Variants in CAMSAP1 observed in about 807,000 individuals in gnomAD.
CAMSAP1 encodes calmodulin regulated spectrin associated protein 1, also known as calmodulin-regulated spectrin-associated protein 1.
In CAMSAP1, 58 loss-of-function variants were observed where a neutral mutation model predicts 143.5. The ratio of observed to expected loss-of-function variants is 0.40; its 90% CI spans 0.33 to 0.50. CAMSAP1 has a LOEUF of 0.50. Ranked by LOEUF, CAMSAP1 falls within the 20% of genes least tolerant of loss-of-function variation. CAMSAP1 has a pLI of 0.45. For missense variants in CAMSAP1, 1,969 were observed against 2,115.7 expected (o/e 0.93, Z 1.36); for synonymous variants, 945 against 859.3 (o/e 1.10, Z -1.74).
At chr9:135,862,790 G>A (rs542453834) in intron 4 of CAMSAP1, among the ~76,000 whole-genome samples, 182 bp from the exon 5 acceptor site, 1 of 152,244 alleles carries the variant, frequency 6.6e-6, no homozygotes, top group Non-Finnish European at 1.5e-5. Context: ...GAACATATAT[G>A]TCAAGATCCA....
intron 5 of CAMSAP1, among the ~76,000 whole-genome samples, chr9:135,855,939 C>G (rs918126925): frequency 6.6e-6 from 1 of 151,980 alleles, no homozygotes; most frequent in African/African-American, 2.4e-5. Flanking sequence ...GTGGTCCCAG[C>G]TACTCGGTAG....
chr9:135,874,861 C>T (rs1023022291), intron 3 of CAMSAP1, among the ~76,000 whole-genome samples: 5 of 152,016 alleles, frequency 3.3e-5, no homozygotes, highest in Non-Finnish European at 7.4e-5. Flanking sequence ...TACGTTTCTA[C>T]GGACTAGTAA....
intron 16 of CAMSAP1, among the ~76,000 whole-genome samples, chr9:135,812,967 A>G (rs183787910): frequency 2.4e-4 from 36 of 152,306 alleles, no homozygotes; most frequent in African/African-American, 8.4e-4. Flanking sequence ...AAAAAAAAAA[A>G]AAGAAGAATC....
rs553390762 is a variant in CAMSAP1, at chr9:135,874,312, A to T, written c.585+7321T>A. 6.0e-4 allele frequency among the ~76,000 whole-genome samples: 91 copies of T among 151,806 alleles called. No homozygotes were observed. The South Asian group carries it at 6.9e-3, about 11-fold the overall frequency. On this transcript the variant is annotated intron_variant, in intron 3 of 16. Transcript: ENST00000389532. ...ACGTGGCAAAATCCCCTCTACAAAA[A>T]TTTTTTTTTAATTAGCCAGGCGTGG...
chr9:135,864,678 T>C (rs1352001557), intron 4 of CAMSAP1, among the ~76,000 whole-genome samples: 2 of 152,228 alleles, frequency 1.3e-5, no homozygotes, highest in Non-Finnish European at 2.9e-5. Flanking sequence ...GAAAACCAAA[T>C]GCTGTTTTCA....
Position 135,897,364 on chromosome 9 carries a change from G to T in CAMSAP1, c.160+9636C>A, listed in dbSNP as rs907837353. On this transcript the variant is annotated intron_variant, in intron 1 of 16. Transcript: ENST00000389532. ...ATCCTAGGTCTTGCTATGTTGCCCA[G>T]GCTGGTCTCAAACTCCTAGACTCAA... 2.6e-5 allele frequency among the ~76,000 whole-genome samples: 4 copies of T among 151,944 alleles called. 1 individual carries two copies. Among genetic ancestry groups the T allele is most frequent in the African/African-American group, 9.7e-5 (4 of 41,326 alleles).
intron 1 of CAMSAP1, among the ~76,000 whole-genome samples, chr9:135,884,743 G>A (rs1312339753): frequency 6.6e-6 from 1 of 152,204 alleles, no homozygotes; most frequent in Non-Finnish European, 1.5e-5. Context: ...ACAACGGGAA[G>A]ACTTCTGCTG....
Position 135,882,688 on chromosome 9 carries a change from T to C in CAMSAP1, c.423+128A>G. 1 of 1,104,740 alleles carries C rather than the reference T, an allele frequency of 9.1e-7. No individual in the cohort carries two copies. Among genetic ancestry groups the C allele is most frequent in the Non-Finnish European group, 1.3e-6 (1 of 793,138 alleles). 68.4% of individuals were successfully genotyped at this position (1,104,740 alleles called of 1,614,324 possible). ...TGCAGTTTCCTAAGGAACGCCAGTGTGCAAAAGCACGGGTCTCCACCACCT... is the reference window on the plus strand; with the variant it reads ...TGCAGTTTCCTAAGGAACGCCAGTGCGCAAAAGCACGGGTCTCCACCACCT... On this transcript the variant is annotated intron_variant, in intron 2 of 16. Transcript: ENST00000389532. The surrounding 1 kb of genome is among the most constrained non-coding windows in gnomAD (Gnocchi z 4.9).
At position 135,826,860 on chromosome 9, in the gene CAMSAP1, C is replaced by A. The variant is rs978615415; in HGVS notation, c.1223+547G>T. Among the ~76,000 whole-genome samples, 1 of 152,156 alleles carries A rather than the reference C, an allele frequency of 6.6e-6. No homozygotes were observed. The highest frequency in any genetic ancestry group is 1.5e-5 in the Non-Finnish European group (1 of 68,018). On this transcript the variant is annotated intron_variant, in intron 8 of 16. Transcript: ENST00000389532. This position sits in a 1 kb window ranked among gnomAD's most constrained non-coding sequence, Gnocchi z 4.4. ...TCAATTCTACCCCAGATATGGTTATCCAAATTAGGTCTTCATGATGAAAAT... is the reference window on the plus strand; with the variant it reads ...TCAATTCTACCCCAGATATGGTTATACAAATTAGGTCTTCATGATGAAAAT...
Position 135,884,301 on chromosome 9 carries a change from C to T in CAMSAP1, c.161-1223G>A, listed in dbSNP as rs544247861. 3.3e-5 allele frequency among the ~76,000 whole-genome samples: 5 copies of T among 152,250 alleles called. No individual in the cohort carries two copies. The East Asian group carries it at 9.7e-4, about 29-fold the overall frequency. ...TGTCTTGTGTTCCGAGCCAAGCTCTCCTAAGCTCTTCCCCAGGGGAAGAAC... is the reference window on the plus strand; with the variant it reads ...TGTCTTGTGTTCCGAGCCAAGCTCTTCTAAGCTCTTCCCCAGGGGAAGAAC... On this transcript the variant is annotated intron_variant, in intron 1 of 16. Transcript: ENST00000389532.
chr9:135,907,516 G>A lies in CAMSAP1; in HGVS notation c.-357C>T, dbSNP rs1176603088. 6.7e-6 allele frequency among the ~76,000 whole-genome samples: 1 copy of A among 148,750 alleles called. No homozygotes were observed. Among genetic ancestry groups the A allele is most frequent in the Admixed American group, 6.7e-5 (1 of 14,960 alleles). On this transcript the variant is annotated 5_prime_UTR_variant, in exon 1 of 17. Coordinates refer to ENST00000389532, the MANE Select transcript of CAMSAP1 (RefSeq NM_015447.4). ...AGCGGCGGCGGCGGCGACAGCGGCTGAGGCGGTGGCCAAGGAGCGGGAGCG... is the reference window on the plus strand; with the variant it reads ...AGCGGCGGCGGCGGCGACAGCGGCTAAGGCGGTGGCCAAGGAGCGGGAGCG...
At chr9:135,877,837 C>A (rs1837805298) in intron 3 of CAMSAP1, among the ~76,000 whole-genome samples, 1 of 151,934 alleles carries the variant, frequency 6.6e-6, no homozygotes, top group East Asian at 1.9e-4. Context: ...GAGAAAGAGA[C>A]AACAACAACA....
At position 135,882,434 on chromosome 9, in the gene CAMSAP1, G is replaced by C. The variant is rs1317983635; in HGVS notation, c.423+382C>G. Among the ~76,000 whole-genome samples, 1 of 152,032 alleles carries C rather than the reference G, an allele frequency of 6.6e-6. No homozygotes were observed. The highest frequency in any genetic ancestry group is 1.5e-5 in the Non-Finnish European group (1 of 68,018). On this transcript the variant is annotated intron_variant, in intron 2 of 16. Transcript: ENST00000389532. The surrounding 1 kb of genome is among the most constrained non-coding windows in gnomAD (Gnocchi z 4.9). ...AGAAAGATGGGGGTGGGATACTTGGGGGAGAAAAAGGCAGACTGAGTTATT... is the reference window on the plus strand; with the variant it reads ...AGAAAGATGGGGGTGGGATACTTGGCGGAGAAAAAGGCAGACTGAGTTATT...
intron 7 of CAMSAP1, among the ~76,000 whole-genome samples, chr9:135,845,596 A>G: frequency 6.6e-6 from 1 of 152,254 alleles, no homozygotes; most frequent in East Asian, 1.9e-4. Context: ...TGCAGATGAC[A>G]TGATTGTATA....
In CAMSAP1 at chr9:135,820,395, C is replaced by CA. The variant is rs1835401190; in HGVS notation, c.3822+443dup. 6.6e-6 allele frequency among the ~76,000 whole-genome samples: 1 copy of CA among 152,082 alleles called. No homozygotes were observed. Among genetic ancestry groups the CA allele is most frequent in the Admixed American group, 6.5e-5 (1 of 15,274 alleles). On this transcript the variant is annotated intron_variant, in intron 11 of 16. Coordinates refer to ENST00000389532, the MANE Select transcript of CAMSAP1 (RefSeq NM_015447.4). This position sits in a 1 kb window ranked among gnomAD's most constrained non-coding sequence, Gnocchi z 4.4. ...AGGAAAAAATTACAAGAAAAACATACAAAAAATGTTTTTTGAAGTTGCTAT... is the reference window on the plus strand; with the variant it reads ...AGGAAAAAATTACAAGAAAAACATACAAAAAAATGTTTTTTGAAGTTGCTAT...
intron 7 of CAMSAP1, among the ~76,000 whole-genome samples, chr9:135,848,240 T>G (rs1836646656): frequency 6.6e-6 from 1 of 151,922 alleles, no homozygotes; most frequent in African/African-American, 2.4e-5. Context: ...AAAAATTAGT[T>G]CAAGGTCACC....
chr9:135,827,691 A>C, intron 7 of CAMSAP1, 107 bp from the exon 8 acceptor site: 1 of 1,082,108 alleles, frequency 9.2e-7, no homozygotes, highest in South Asian at 2.5e-5. Context: ...ATTGAAACCA[A>C]ACTTCTGCCA....
chr9:135,862,560 G>A lies in CAMSAP1; in HGVS notation c.715C>T (p.Pro239Ser), dbSNP rs1681246092. ...TCTCTCATCAAATCCTCCAACAACG[G>A]GAAGTAGGGTGACTGCCTAGCAGAA... is the stretch of plus-strand genomic sequence containing the variant. ...HLSARQSPYF[P>S]LLEDLMRDGS... The change falls in exon 5 of 17, where the codon CCG becomes TCG. Residue 239 changes from proline to serine, a missense_variant. Physicochemically the swap from Pro to Ser is moderately conservative, Grantham distance 74 (BLOSUM62 -1). This residue lies in a region of CAMSAP1 where 221 missense variants were observed against 298.2 expected (regional missense o/e 0.74). Coordinates refer to ENST00000389532, the MANE Select transcript of CAMSAP1 (RefSeq NM_015447.4). 1 of 1,551,500 alleles carries A rather than the reference G, an allele frequency of 6.4e-7. No individual in the cohort carries two copies. Among genetic ancestry groups the A allele is most frequent in the African/African-American group, 1.4e-5 (1 of 72,990 alleles).
At chr9:135,897,550 G>C (rs1838492731) in intron 1 of CAMSAP1, among the ~76,000 whole-genome samples, 1 of 152,290 alleles carries the variant, frequency 6.6e-6, no homozygotes, top group Non-Finnish European at 1.5e-5. Flanking sequence ...AATGACATTA[G>C]GCATAGTAGT....
Sources: allele counts gnomAD v4.1 joint callset (sites outside exome capture counted in the v4.1 genomes callset), GRCh38; gene constraint gnomAD v4.1.1; regional missense constraint gnomAD v4.1.1; non-coding constraint Gnocchi (gnomAD v3.1); transcripts MANE v1.5; gene names NCBI Gene and HGNC (gene_info 2026-07-23, HGNC 2026-07-21).